MGAT4C: variants seen among roughly 807,000 people sequenced by gnomAD.
The protein encoded by MGAT4C is MGAT4 family member C.
Under a neutral mutation model 40.1 loss-of-function variants are expected in MGAT4C, and 19 were observed. The ratio of observed to expected loss-of-function variants is 0.47; its 90% CI spans 0.33 to 0.70. The LOEUF (loss-of-function observed/expected upper bound fraction) is 0.70, where lower values mean the gene tolerates loss of function less well. Ranked by LOEUF, MGAT4C falls within the 30% of genes least tolerant of loss-of-function variation. MGAT4C has a pLI of 0.02. For synonymous variants in MGAT4C, 181 were observed against 187.1 expected (o/e 0.97, Z 0.27); for missense variants, 491 against 563.2 (o/e 0.87, Z 1.30).
At chr12:86,027,567 G>A (rs578100451) in intron 2 of MGAT4C, among the ~76,000 whole-genome samples, 2 of 151,722 alleles carry the variant, frequency 1.3e-5, no homozygotes, top group Non-Finnish European at 2.9e-5. Context: ...ATAAAATATA[G>A]GTCAATATAC....
chr12:86,627,516 TC>T lies in MGAT4C; in HGVS notation c.-229+99692del, dbSNP rs534500840. Among the ~76,000 whole-genome samples, 272 of 152,164 alleles carry T rather than the reference TC, an allele frequency of 1.8e-3. 1 individual carries two copies. The highest frequency in any genetic ancestry group is 6.4e-3 in the African/African-American group (266 of 41,524). The stretch of plus-strand genomic sequence containing the variant: ...GCTGGTGCCCCTCTGAGATGAAGCA[TC>T]CAGAGGAAGGATCAGGCAGCAATAT... On this transcript the variant is annotated intron_variant, in intron 2 of 7. Coordinates refer to the MGAT4C transcript ENST00000548651.
chr12:86,733,197 A>G (rs536710850), intron 1 of MGAT4C, among the ~76,000 whole-genome samples: 72 of 152,256 alleles, frequency 4.7e-4, no homozygotes, highest in Non-Finnish European at 7.9e-4. Flanking sequence ...ATTTTCTGCT[A>G]TCATTGAGAA....
At chr12:86,815,313 TA>T (rs1257444789) in intron 1 of MGAT4C, among the ~76,000 whole-genome samples, 2 of 152,002 alleles carry the variant, frequency 1.3e-5, no homozygotes, top group Non-Finnish European at 2.9e-5. Context: ...CTTGCTCCTG[TA>T]AGAATGACCA....
At chr12:86,833,691 G>A (rs1952975666) in intron 1 of MGAT4C, among the ~76,000 whole-genome samples, 1 of 151,840 alleles carries the variant, frequency 6.6e-6, no homozygotes, top group Non-Finnish European at 1.5e-5. Context: ...AGATATTGGA[G>A]GTTAAGTCTT....
At chr12:86,837,606 C>G (rs1188394440) in intron 1 of MGAT4C, among the ~76,000 whole-genome samples, 2 of 151,974 alleles carry the variant, frequency 1.3e-5, no homozygotes, top group Non-Finnish European at 2.9e-5. Context: ...AATATACCTG[C>G]TATTCTAACC....
chr12:86,430,533 C>T (rs143283964), intron 3 of MGAT4C, among the ~76,000 whole-genome samples: 6 of 152,258 alleles, frequency 3.9e-5, no homozygotes, highest in African/African-American at 1.4e-4. Context: ...GGTGAGGTTG[C>T]TCTTTGGGCT....
chr12:86,670,039 G>T (rs1013290009), intron 2 of MGAT4C, among the ~76,000 whole-genome samples: 2 of 148,140 alleles, frequency 1.4e-5, no homozygotes, highest in Non-Finnish European at 3.0e-5. Flanking sequence ...AAAATTATTG[G>T]GGAAAAAAGA....
chr12:85,966,478 A>G lies in MGAT4C; in HGVS notation c.*12811T>C, dbSNP rs1168672257. The G allele has an allele frequency of 6.6e-6, 1 of 152,162 alleles. No homozygotes were observed. Among genetic ancestry groups the G allele is most frequent in the East Asian group, 1.9e-4 (1 of 5,194 alleles). 9.4% of individuals were successfully genotyped at this position (152,162 alleles called of 1,614,324 possible). ...TTATTCTATTGTGCACTCTAATTACATAACCAAAATCTTTTTAAAAATTCT... is the reference window on the plus strand; with the variant it reads ...TTATTCTATTGTGCACTCTAATTACGTAACCAAAATCTTTTTAAAAATTCT... On this transcript the variant is annotated 3_prime_UTR_variant, in exon 5 of 5. Transcript: ENST00000611864.
intron 4 of MGAT4C, among the ~76,000 whole-genome samples, chr12:86,274,099 C>A (rs1214665777): frequency 6.6e-6 from 1 of 152,088 alleles, no homozygotes; most frequent in Non-Finnish European, 1.5e-5. Context: ...TCTTACACAG[C>A]AGGAGAAGGA....
chr12:85,980,142 C>G lies in MGAT4C; in HGVS notation c.584G>C (p.Arg195Thr), dbSNP rs1884388480. ...ATTTTGCTTGGAACGAAATTTGACT[C>G]TATCTTCTGGATCATTGTAATTTCT... is the stretch of plus-strand genomic sequence containing the variant. ...LKRNYNDPED[R>T]VKFRSKQNVD... Residue 195 changes from arginine (R) to threonine (T), a missense_variant, in exon 5 of 5, where the codon AGA (arginine) becomes ACA (threonine). Coordinates refer to ENST00000611864, the MANE Select transcript of MGAT4C (RefSeq NM_001351288.2). The G allele has an allele frequency of 1.9e-6, 3 of 1,614,006 alleles. No individual in the cohort carries two copies. The highest frequency in any genetic ancestry group is 1.3e-5 in the African/African-American group (1 of 75,046).
At chr12:86,171,925 A>T (rs1886895200) in intron 1 of MGAT4C, among the ~76,000 whole-genome samples, 1 of 152,196 alleles carries the variant, frequency 6.6e-6, no homozygotes. Context: ...AACAGAAATG[A>T]ACATCTTGAA....
At chr12:86,557,118 TTTTGATA>T (rs1959649195) in intron 2 of MGAT4C, among the ~76,000 whole-genome samples, 2 of 152,338 alleles carry the variant, frequency 1.3e-5, no homozygotes, top group East Asian at 3.9e-4. Context: ...AGGTATACAC[TTTTGATA>T]TTTATCTATT....
At chr12:86,082,018 G>A (rs772731726) in intron 1 of MGAT4C, among the ~76,000 whole-genome samples, 21 of 152,180 alleles carry the variant, frequency 1.4e-4, no homozygotes, top group Non-Finnish European at 2.4e-4. Context: ...CCCTTGCCCA[G>A]TGGGAGCTCT....
chr12:86,814,129 C>T (rs1952535965), intron 1 of MGAT4C, among the ~76,000 whole-genome samples: 1 of 151,832 alleles, frequency 6.6e-6, no homozygotes, highest in African/African-American at 2.4e-5. Flanking sequence ...CCAGGCTGGT[C>T]ACAAACTCCT....
At chr12:86,139,750 G>T (rs1882564636) in intron 1 of MGAT4C, among the ~76,000 whole-genome samples, 1 of 152,036 alleles carries the variant, frequency 6.6e-6, no homozygotes, top group East Asian at 1.9e-4. Flanking sequence ...GTTCTTTGAG[G>T]ATATGACTTA....
intron 1 of MGAT4C, among the ~76,000 whole-genome samples, chr12:86,123,844 A>C (rs774082957): frequency 2.0e-5 from 3 of 152,066 alleles, no homozygotes; most frequent in Admixed American, 1.3e-4. Flanking sequence ...AATACGGACG[A>C]AGGATAGGCT....
intron 1 of MGAT4C, among the ~76,000 whole-genome samples, chr12:86,227,256 C>T (rs1200476793): frequency 6.6e-6 from 1 of 151,708 alleles, no homozygotes; most frequent in African/African-American, 2.4e-5. Context: ...TTTAAAACTT[C>T]CAAATAATGC....
At chr12:86,448,661 A>G (rs1007967329) in intron 2 of MGAT4C, among the ~76,000 whole-genome samples, 3 of 152,196 alleles carry the variant, frequency 2.0e-5, no homozygotes, top group Non-Finnish European at 2.9e-5. Flanking sequence ...TATTAAAATG[A>G]ATCTCAGCAA....
At chr12:86,694,604 A>G (rs1240363949) in intron 2 of MGAT4C, among the ~76,000 whole-genome samples, 1 of 152,196 alleles carries the variant, frequency 6.6e-6, no homozygotes, top group African/African-American at 2.4e-5. Flanking sequence ...TAATAAAAAT[A>G]TGTCATGTCA....
Sources: gnomAD v4.1 joint callset for allele counts (sites outside exome capture counted in the v4.1 genomes callset) on GRCh38, gnomAD v4.1.1 for gene constraint, MANE v1.5 for transcripts, NCBI Gene and HGNC (gene_info 2026-07-23, HGNC 2026-07-21) for gene names.